Variants in SMC5 observed in about 807,000 individuals in gnomAD.
The protein encoded by SMC5 is structural maintenance of chromosomes protein 5.
In SMC5, 88 loss-of-function variants were observed where a neutral mutation model predicts 148.3. That is an observed-to-expected ratio of 0.59 (90% CI 0.50 to 0.71). The LOEUF is 0.71. Among genes scored for constraint, SMC5 ranks in the 30% least tolerant of loss-of-function variants. SMC5 has a pLI of 0.00. For synonymous variants in SMC5, 421 were observed against 432.8 expected, an observed-to-expected ratio of 0.97 and a Z score of 0.34; for missense variants, 1,142 against 1,298.9, an observed-to-expected ratio of 0.88 and a Z score of 1.86.
In SMC5 at chr9:70,280,797, G is replaced by A; in HGVS notation, c.717G>A (p.Met239Ile). 6.2e-7 allele frequency: 1 copy of A among 1,613,356 alleles called. No individual in the cohort carries two copies. Among genetic ancestry groups the A allele is most frequent in the Non-Finnish European group, 8.5e-7 (1 of 1,179,652 alleles). ...CKEKTEYLQK[M>I]VQRNERYKQD... ...AGAAAACTGAGTATCTACAGAAAAT[G>A]GTTCAGAGGAATGAAAGATATAAAC... Residue 239 changes from methionine (M) to isoleucine (I), a missense_variant, in exon 6 of 25, where the codon ATG (methionine) becomes ATA (isoleucine). Transcript: ENST00000361138.
intron 8 of SMC5, among the ~76,000 whole-genome samples, chr9:70,288,101 G>A (rs189985198): frequency 3.9e-4 from 60 of 152,092 alleles, no homozygotes; most frequent in African/African-American, 4.3e-4. Context: ...ATCCCCAGAC[G>A]CAAATACAAA....
At position 70,347,007 on chromosome 9, in the gene SMC5, A is replaced by C. The variant is rs1333101511; in HGVS notation, c.2569-59A>C. On this transcript the variant is annotated intron_variant, in intron 19 of 24. Transcript: ENST00000361138. ...TTATTCAGCAGATTATTTTTCTTTT[A>C]ACTATTTGAATGGAACTGTTTTCAT... is the stretch of plus-strand genomic sequence containing the variant. 3.2e-6 allele frequency: 4 copies of C among 1,262,618 alleles called. No homozygotes were observed. The East Asian group carries it at 7.0e-5, about 22-fold the overall frequency. 78.2% of individuals were successfully genotyped at this position (1,262,618 alleles called of 1,614,324 possible).
chr9:70,284,858 G>C (rs1250503422), intron 7 of SMC5, among the ~76,000 whole-genome samples: 1 of 151,726 alleles, frequency 6.6e-6, no homozygotes, highest in Non-Finnish European at 1.5e-5. Context: ...TGCTCATTCT[G>C]TTCCAGCAGA....
chr9:70,314,118 CCTT>C (rs150976190), intron 11 of SMC5, among the ~76,000 whole-genome samples: 3,576 of 152,200 alleles, frequency 0.023, 64 homozygotes, highest in Non-Finnish European at 0.036. Context: ...TTTGCAGCTC[CCTT>C]CTTCCAAGAA....
At chr9:70,348,226 G>A (rs887204667) in intron 22 of SMC5, among the ~76,000 whole-genome samples, 188 bp downstream of exon 22, 2 of 152,072 alleles carry the variant, frequency 1.3e-5, no homozygotes, top group Non-Finnish European at 1.5e-5. Flanking sequence ...GGGGGGTTAT[G>A]TTTGGAATTA....
At chr9:70,344,407 A>AAC (rs2036608644) in intron 18 of SMC5, 138 bp downstream of exon 18, 2 of 293,398 alleles carry the variant, frequency 6.8e-6, no homozygotes. Flanking sequence ...TTTTAAACTG[A>AAC]ATATATATAT....
intron 17 of SMC5, among the ~76,000 whole-genome samples, chr9:70,341,963 A>G (rs1315896561): frequency 2.7e-5 from 4 of 149,880 alleles, no homozygotes; most frequent in Non-Finnish European, 4.4e-5. Context: ...GGCACTATTC[A>G]CAATAGCAAA....
At chr9:70,305,805 G>A (rs1031555662) in intron 11 of SMC5, among the ~76,000 whole-genome samples, 1 of 151,972 alleles carries the variant, frequency 6.6e-6, no homozygotes, top group African/African-American at 2.4e-5. Flanking sequence ...CTAGAGAAAG[G>A]CCACTAAGAA....
intron 15 of SMC5, 152 bp downstream of exon 15, chr9:70,319,115 C>G (rs1317936633): frequency 1.4e-6 from 1 of 707,100 alleles, no homozygotes; most frequent in Non-Finnish European, 2.1e-6. Flanking sequence ...CAATTTTATT[C>G]CATAGGGCAA....
intron 7 of SMC5, among the ~76,000 whole-genome samples, chr9:70,285,699 A>G (rs1241551056): frequency 1.3e-5 from 2 of 152,222 alleles, no homozygotes; most frequent in African/African-American, 4.8e-5. Context: ...TTTGAATTAC[A>G]TATTATAGGT....
chr9:70,280,209 G>A (rs1162537837), intron 5 of SMC5, among the ~76,000 whole-genome samples: 2 of 152,078 alleles, frequency 1.3e-5, no homozygotes, highest in Non-Finnish European at 2.9e-5. Flanking sequence ...TTGACCATCC[G>A]CTGAAAGAAA....
chr9:70,299,051 G>T (rs1026749263), intron 9 of SMC5, among the ~76,000 whole-genome samples: 2 of 151,638 alleles, frequency 1.3e-5, no homozygotes, highest in African/African-American at 2.4e-5. Flanking sequence ...ACAATTGTCA[G>T]TATTGCTTCA....
intron 17 of SMC5, among the ~76,000 whole-genome samples, chr9:70,336,492 T>C (rs1286985747): frequency 6.6e-6 from 1 of 152,170 alleles, no homozygotes; most frequent in Non-Finnish European, 1.5e-5. Flanking sequence ...GATGGCAGAA[T>C]GAATAGCAAT....
intron 17 of SMC5, among the ~76,000 whole-genome samples, chr9:70,335,605 C>T (rs761535285): frequency 2.6e-5 from 4 of 152,154 alleles, no homozygotes; most frequent in Non-Finnish European, 5.9e-5. Flanking sequence ...TACTGATGCA[C>T]ACATAAATGA....
rs1425616769 is a variant in SMC5, at chr9:70,354,385, C to G, written c.*2054C>G. 6.6e-6 allele frequency: 1 copy of G among 152,128 alleles called. No homozygotes were observed. Among genetic ancestry groups the G allele is most frequent in the Non-Finnish European group, 1.5e-5 (1 of 68,062 alleles). The allele number at this position is 152,128 out of a possible 1,614,324, so 9.4% of individuals were successfully genotyped here. ...GGACAACAGGCGCGTCCCACCACACCCAGCTAATTTTTTATACTTTTAGTA... is the reference window on the plus strand; with the variant it reads ...GGACAACAGGCGCGTCCCACCACACGCAGCTAATTTTTTATACTTTTAGTA... On this transcript the variant is annotated 3_prime_UTR_variant, in exon 25 of 25. Transcript: ENST00000361138.
intron 17 of SMC5, among the ~76,000 whole-genome samples, chr9:70,333,952 G>C (rs2036291435): frequency 6.6e-6 from 1 of 152,098 alleles, no homozygotes; most frequent in African/African-American, 2.4e-5. Context: ...AAATGCAATG[G>C]ACTTAGAAGA....
At chr9:70,331,697 A>G (rs993193707) in intron 17 of SMC5, among the ~76,000 whole-genome samples, 4 of 152,240 alleles carry the variant, frequency 2.6e-5, no homozygotes, top group Admixed American at 2.6e-4. Context: ...AGTTTATACC[A>G]TTCTCTCTAC....
chr9:70,353,101 T>G lies in SMC5; in HGVS notation c.*770T>G, dbSNP rs1250539698. Reference sequence around the variant, plus strand: ...GTGTGGGGGCAGGGGTTGCTTTTTTTTATTTTATTTAAAGTCAATTATATT... The same window carrying G: ...GTGTGGGGGCAGGGGTTGCTTTTTTGTATTTTATTTAAAGTCAATTATATT... On this transcript the variant is annotated 3_prime_UTR_variant, in exon 25 of 25. Transcript: ENST00000361138. 6.6e-6 allele frequency: 1 copy of G among 151,950 alleles called. No homozygotes were observed. The highest frequency in any genetic ancestry group is 1.5e-5 in the Non-Finnish European group (1 of 67,994). The allele number at this position is 151,950 out of a possible 1,614,324, so 9.4% of individuals were successfully genotyped here.
chr9:70,274,651 CTTTTTA>C (rs2034540463), intron 3 of SMC5, among the ~76,000 whole-genome samples: 1 of 151,874 alleles, frequency 6.6e-6, no homozygotes, highest in Non-Finnish European at 1.5e-5. Flanking sequence ...TTATTCTCTG[CTTTTTA>C]TTTTTCACAG....
Sources: allele counts gnomAD v4.1 joint callset (sites outside exome capture counted in the v4.1 genomes callset), GRCh38; gene constraint gnomAD v4.1.1; transcripts MANE v1.5; gene names NCBI Gene and HGNC (gene_info 2026-07-23, HGNC 2026-07-21).